The following MACROD2 variants were observed in gnomAD, a reference collection of about 807,000 sequenced individuals.
MACROD2 encodes the protein mono-ADP ribosylhydrolase 2.
A neutral mutation model predicts 70.4 loss-of-function variants in MACROD2; 36 were observed. The observed-to-expected ratio is 0.51, with a 90% CI of 0.39 to 0.68. The LOEUF (loss-of-function observed/expected upper bound fraction) is 0.68, where lower values mean the gene tolerates loss of function less well. Ranked by LOEUF, MACROD2 falls within the 30% of genes least tolerant of loss-of-function variation. The probability of loss-of-function intolerance (pLI) is 0.00; values close to 1 mark genes in which losing one functional copy is unlikely to be tolerated. For synonymous variants in MACROD2, 172 were observed against 178.8 expected (o/e 0.96, Z 0.30); for missense variants, 496 against 538.4 (o/e 0.92, Z 0.78).
In MACROD2 at chr20:15,679,656, C is replaced by T. The variant is rs73242449; in HGVS notation, c.645+179809C>T. Among the ~76,000 whole-genome samples the T allele has an allele frequency of 2.8e-3, 419 of 152,296 alleles. 1 individual carries two copies. Among genetic ancestry groups the T allele is most frequent in the African/African-American group, 9.3e-3 (388 of 41,574 alleles). ...GAGAAGCCTATCTACCCTGCTGCAA[C>T]AGACCATGTGGAAAGACCACACAGA... On this transcript the variant is annotated intron_variant, in intron 8 of 17. Transcript: ENST00000684519.
At position 15,266,929 on chromosome 20, in the gene MACROD2, C is replaced by CG. The variant is rs569970310; in HGVS notation, c.540+36874dup. Among the ~76,000 whole-genome samples, 30 of 152,292 alleles carry CG rather than the reference C, an allele frequency of 2.0e-4. No homozygotes were observed. In the East Asian group the frequency reaches 2.9e-3, roughly 15 times the overall value. On this transcript the variant is annotated intron_variant, in intron 6 of 17. Coordinates refer to ENST00000684519, the MANE Select transcript of MACROD2 (RefSeq NM_001351661.2). ...GCCTGTATTCTAGAGGGCAGGGGCG[C>CG]GGGGGGCATGAGAAGGCATTTAGAG...
At chr20:15,055,299 G>A (rs2075475671) in intron 5 of MACROD2, among the ~76,000 whole-genome samples, 1 of 152,116 alleles carries the variant, frequency 6.6e-6, no homozygotes, top group Non-Finnish European at 1.5e-5. Context: ...TTAAGGGCAT[G>A]GTAATATAAT....
intron 5 of MACROD2, among the ~76,000 whole-genome samples, chr20:14,819,498 C>G (rs1279396210): frequency 6.6e-6 from 1 of 151,872 alleles, no homozygotes; most frequent in Non-Finnish European, 1.5e-5. Flanking sequence ...AATGTGAGTA[C>G]CACCTTCTAA....
intron 5 of MACROD2, among the ~76,000 whole-genome samples, chr20:14,965,970 G>A (rs1245016709): frequency 1.3e-5 from 2 of 152,052 alleles, no homozygotes; most frequent in African/African-American, 4.8e-5. Context: ...ACTTTTCAGT[G>A]GGGTATGTTT....
chr20:14,459,233 G>C (rs2084339504), intron 3 of MACROD2, among the ~76,000 whole-genome samples: 1 of 151,866 alleles, frequency 6.6e-6, no homozygotes, highest in South Asian at 2.1e-4. Context: ...GGCTCAAGCA[G>C]AGAATTTAGA....
At chr20:14,482,382 T>C (rs1238479474) in intron 3 of MACROD2, among the ~76,000 whole-genome samples, 1 of 151,740 alleles carries the variant, frequency 6.6e-6, no homozygotes, top group Non-Finnish European at 1.5e-5. Context: ...AAAAGAGAAA[T>C]ACAGAAACAG....
chr20:14,962,510 G>GCTCT (rs550218484), intron 5 of MACROD2, among the ~76,000 whole-genome samples: 2 of 144,342 alleles, frequency 1.4e-5, no homozygotes, highest in African/African-American at 5.2e-5. Context: ...ACAGAATTTT[G>GCTCT]CTCTCTCTCT....
chr20:14,862,591 AT>A lies in MACROD2; in HGVS notation c.418+177633del, dbSNP rs1201545941. 3.5e-3 allele frequency among the ~76,000 whole-genome samples: 178 copies of A among 50,192 alleles called. 7 individuals are homozygous for A. The highest frequency in any genetic ancestry group is 5.0e-3 in the Non-Finnish European group (146 of 29,206). 32.9% of individuals were successfully genotyped at this position (50,192 alleles called of 152,430 possible). ...TATATATAAATATATATGTATAAAT[AT>A]ATATATAAATATAAATATATATAAA... On this transcript the variant is annotated intron_variant, in intron 5 of 17. Transcript: ENST00000684519.
chr20:15,419,386 G>C (rs1019613576), intron 6 of MACROD2, among the ~76,000 whole-genome samples: 1 of 152,122 alleles, frequency 6.6e-6, no homozygotes, highest in African/African-American at 2.4e-5. Context: ...TTGCTGTGAG[G>C]GGGGCGTATC....
chr20:15,533,544 G>GCGCT (rs1555835224), intron 8 of MACROD2, among the ~76,000 whole-genome samples: 21 of 141,178 alleles, frequency 1.5e-4, no homozygotes, highest in African/African-American at 5.1e-4. Context: ...TGTCTCTGTC[G>GCGCT]CTCTCTCTCT....
At chr20:15,003,424 C>T (rs138493920) in intron 5 of MACROD2, among the ~76,000 whole-genome samples, 6 of 152,092 alleles carry the variant, frequency 3.9e-5, no homozygotes, top group African/African-American at 9.6e-5. Context: ...TCAAGCAGCC[C>T]GGTCTGGGAA....
intron 3 of MACROD2, among the ~76,000 whole-genome samples, chr20:14,177,318 T>TA (rs1555929707): frequency 6.7e-6 from 1 of 150,120 alleles, no homozygotes; most frequent in African/African-American, 2.4e-5. Context: ...TTTTTTTTTT[T>TA]GAGAAGGAGT....
At chr20:14,962,458 T>C (rs2074592183) in intron 5 of MACROD2, among the ~76,000 whole-genome samples, 1 of 145,222 alleles carries the variant, frequency 6.9e-6, no homozygotes, top group Admixed American at 6.8e-5. Flanking sequence ...TTTATATATA[T>C]ATATAGTATT....
chr20:15,525,004 T>C (rs1233342373), intron 8 of MACROD2, among the ~76,000 whole-genome samples: 1 of 152,192 alleles, frequency 6.6e-6, no homozygotes, highest in Non-Finnish European at 1.5e-5. Flanking sequence ...TGGTATTGGC[T>C]CTTCCTGGTA....
chr20:15,249,582 G>A (rs555566561), intron 6 of MACROD2, among the ~76,000 whole-genome samples: 48 of 152,236 alleles, frequency 3.2e-4, no homozygotes, highest in Admixed American at 5.2e-4. Context: ...CAATTGCATG[G>A]GGGTTGGACA....
chr20:15,737,190 A>G (rs2146959422), intron 8 of MACROD2, among the ~76,000 whole-genome samples: 1 of 152,298 alleles, frequency 6.6e-6, no homozygotes, highest in East Asian at 1.9e-4. Context: ...ATTTTTGAAG[A>G]TAAAGTGTGT....
At chr20:15,185,019 A>G (rs996267436) in intron 5 of MACROD2, among the ~76,000 whole-genome samples, 3 of 152,202 alleles carry the variant, frequency 2.0e-5, no homozygotes, top group African/African-American at 4.8e-5. Flanking sequence ...CAGTGGGGGC[A>G]GATTTGAAGA....
At chr20:14,666,231 C>G (rs1891766848) in intron 4 of MACROD2, among the ~76,000 whole-genome samples, 1 of 152,132 alleles carries the variant, frequency 6.6e-6, no homozygotes, top group Non-Finnish European at 1.5e-5. Flanking sequence ...GAACTTACAA[C>G]AGGGTAAAAC....
At chr20:14,314,415 C>T (rs966755611) in intron 3 of MACROD2, among the ~76,000 whole-genome samples, 11 of 152,102 alleles carry the variant, frequency 7.2e-5, no homozygotes, top group Admixed American at 2.6e-4. Context: ...ATTGAAGTGT[C>T]GGTTGTATTA....
Sources: allele counts gnomAD v4.1 joint callset (sites outside exome capture counted in the v4.1 genomes callset), GRCh38; gene constraint gnomAD v4.1.1; transcripts MANE v1.5; gene names NCBI Gene and HGNC (gene_info 2026-07-23, HGNC 2026-07-21).